The following PREX2 variants were observed in gnomAD, a reference collection of about 807,000 sequenced individuals.
The protein encoded by PREX2 is phosphatidylinositol-3,4,5-trisphosphate dependent Rac exchange factor 2, also known as phosphatidylinositol 3,4,5-trisphosphate-dependent Rac exchanger 2 protein.
Under a neutral mutation model 203.2 loss-of-function variants are expected in PREX2, and 107 were observed. The ratio of observed to expected loss-of-function variants is 0.53; its 90% confidence interval spans 0.45 to 0.62. The LOEUF (loss-of-function observed/expected upper bound fraction) is 0.62, where lower values mean the gene tolerates loss of function less well. Ranked by LOEUF, PREX2 falls within the 20% of genes least tolerant of loss-of-function variation. The pLI is 0.00. For missense variants in PREX2, 1,777 were observed against 1,955.9 expected (o/e 0.91, Z 1.72); for synonymous variants, 672 against 663.6 (o/e 1.01, Z -0.19).
chr8:68,094,622 G>A (rs1423852198), intron 21 of PREX2, among the ~76,000 whole-genome samples: 2 of 152,132 alleles, frequency 1.3e-5, no homozygotes, highest in African/African-American at 4.8e-5. Context: ...GGATATCTTT[G>A]TTACACTATT....
intron 8 of PREX2, among the ~76,000 whole-genome samples, chr8:68,048,618 CTT>C (rs1418956422): frequency 6.6e-6 from 1 of 151,762 alleles, no homozygotes; most frequent in African/African-American, 2.4e-5. Flanking sequence ...ATTAAAGAAA[CTT>C]TGGACATTGC....
chr8:68,210,361 G>A (rs1812720177), intron 37 of PREX2, among the ~76,000 whole-genome samples: 1 of 152,156 alleles, frequency 6.6e-6, no homozygotes, highest in Non-Finnish European at 1.5e-5. Context: ...TATTTAATGT[G>A]TTAGGGTCTG....
chr8:68,200,004 A>G (rs749702610), intron 37 of PREX2, among the ~76,000 whole-genome samples: 3 of 152,230 alleles, frequency 2.0e-5, no homozygotes, highest in Admixed American at 6.5e-5. Flanking sequence ...GATTCTATGT[A>G]TGGGACAGAA....
intron 3 of PREX2, among the ~76,000 whole-genome samples, chr8:68,020,751 C>A (rs981390329): frequency 6.6e-6 from 1 of 152,218 alleles, no homozygotes; most frequent in Admixed American, 6.5e-5. Flanking sequence ...GGATCAGAAT[C>A]TTCTGCCAGC....
intron 7 of PREX2, among the ~76,000 whole-genome samples, chr8:68,039,992 C>A (rs1808147427): frequency 6.6e-6 from 1 of 152,080 alleles, no homozygotes; most frequent in African/African-American, 2.4e-5. Flanking sequence ...TTGCTCAAAG[C>A]CCTCATTGGC....
intron 15 of PREX2, among the ~76,000 whole-genome samples, chr8:68,079,547 A>G (rs1809450282): frequency 6.7e-6 from 1 of 150,328 alleles, no homozygotes; most frequent in Non-Finnish European, 1.5e-5. Flanking sequence ...CTGTCTCATC[A>G]CAAAACCTAA....
chr8:68,086,824 T>G (rs554772933), intron 18 of PREX2, among the ~76,000 whole-genome samples: 7 of 152,322 alleles, frequency 4.6e-5, no homozygotes, highest in African/African-American at 1.4e-4. Context: ...ATTATTCTTT[T>G]AAACCTTCAT....
chr8:68,092,065 T>G (rs1809893656), intron 20 of PREX2, among the ~76,000 whole-genome samples: 1 of 152,172 alleles, frequency 6.6e-6, no homozygotes, highest in African/African-American at 2.4e-5. Context: ...CCCCTGTTCG[T>G]GGCCTCTGTT....
chr8:68,187,356 T>A (rs1445149194), intron 35 of PREX2, among the ~76,000 whole-genome samples: 1 of 152,186 alleles, frequency 6.6e-6, no homozygotes, highest in Non-Finnish European at 1.5e-5. Flanking sequence ...TATTTTAGAT[T>A]ACCTCCACGG....
At chr8:68,065,661 C>A (rs1808996094) in intron 11 of PREX2, among the ~76,000 whole-genome samples, 1 of 151,912 alleles carries the variant, frequency 6.6e-6, no homozygotes, top group South Asian at 2.1e-4. Flanking sequence ...ACATTTCTAG[C>A]AAAAAAATAA....
In PREX2 at chr8:68,185,836, C is replaced by T. The variant is rs374007671; in HGVS notation, c.4347-5886C>T. On this transcript the variant is annotated intron_variant, in intron 35 of 39. Coordinates refer to ENST00000288368, the MANE Select transcript of PREX2 (RefSeq NM_024870.4). ...CATGAAAGGAAACATACTCTGCAGC[C>T]CATATAAAATAGTAGCCATACTTTC... Among the ~76,000 whole-genome samples the T allele has an allele frequency of 6.7e-4, 100 of 148,294 alleles. 13 individuals carry two copies. Among genetic ancestry groups the T allele is most frequent in the African/African-American group, 2.5e-3 (100 of 39,592 alleles).
Position 68,109,593 on chromosome 8 carries a change from A to G in PREX2, c.3116A>G (p.Glu1039Gly), listed in dbSNP as rs1810496122. 7 of 1,613,848 alleles carry G rather than the reference A, an allele frequency of 4.3e-6. No individual in the cohort carries two copies. Among genetic ancestry groups the G allele is most frequent in the African/African-American group, 1.3e-5 (1 of 74,930 alleles). ...LLGKLQTALK[E>G]VEMCVCQIDD... ...GGCAAACTTCAGACTGCACTGAAAG[A>G]GGTGGAGATGTGTGTTTGTCAAATA... The change falls in exon 25 of 40, where the codon GAG becomes GGG. Residue 1039 changes from glutamate to glycine, a missense_variant. Coordinates refer to ENST00000288368, the MANE Select transcript of PREX2 (RefSeq NM_024870.4).
At chr8:68,103,206 T>C (rs1322074135) in intron 23 of PREX2, among the ~76,000 whole-genome samples, 1 of 152,174 alleles carries the variant, frequency 6.6e-6, no homozygotes, top group East Asian at 1.9e-4. Flanking sequence ...CACACTGATA[T>C]ATGGACTGGG....
intron 1 of PREX2, among the ~76,000 whole-genome samples, chr8:67,977,002 G>T (rs1222310780): frequency 6.6e-6 from 1 of 152,220 alleles, no homozygotes; most frequent in Non-Finnish European, 1.5e-5. Flanking sequence ...GTTATTGTAA[G>T]CCACTAAGTG....
chr8:67,978,959 T>G (rs11993423), intron 1 of PREX2, among the ~76,000 whole-genome samples: 52,254 of 152,008 alleles, frequency 0.34, 9,369 homozygotes, highest in East Asian at 0.6. Flanking sequence ...ATCATGCACT[T>G]TACACTACAG....
chr8:68,053,073 T>C (rs766627257), intron 8 of PREX2, 24 bp from the exon 9 acceptor site: 2 of 1,602,046 alleles, frequency 1.2e-6, no homozygotes, highest in South Asian at 2.2e-5. Context: ...TTTTGTTCAT[T>C]TGCCTTTACC....
intron 33 of PREX2, among the ~76,000 whole-genome samples, chr8:68,143,133 T>C (rs1811258202): frequency 6.6e-6 from 1 of 152,192 alleles, no homozygotes; most frequent in South Asian, 2.1e-4. Context: ...TTTTTAAAAT[T>C]GGTGATATAG....
chr8:68,100,893 G>T (rs1485642025), intron 23 of PREX2, among the ~76,000 whole-genome samples: 1 of 152,134 alleles, frequency 6.6e-6, no homozygotes, highest in African/African-American at 2.4e-5. Context: ...TGTTGCAATG[G>T]CCCAGTTGAA....
intron 1 of PREX2, among the ~76,000 whole-genome samples, chr8:68,005,738 AC>A (rs1289973175): frequency 6.6e-6 from 1 of 152,166 alleles, no homozygotes; most frequent in Admixed American, 6.5e-5. Context: ...AGTATGTACC[AC>A]CATCTGAACT....
Sources: allele counts gnomAD v4.1 joint callset (sites outside exome capture counted in the v4.1 genomes callset), GRCh38; gene constraint gnomAD v4.1.1; transcripts MANE v1.5; gene names NCBI Gene and HGNC (gene_info 2026-07-23, HGNC 2026-07-21).